The following SUPT3H variants were observed in gnomAD, a reference collection of about 807,000 sequenced individuals.
SUPT3H encodes SPT3 homolog, SAGA and STAGA complex component.
Under a neutral mutation model 44.3 loss-of-function variants are expected in SUPT3H, and 44 were observed. That is an observed-to-expected ratio of 0.99 (90% CI 0.78 to 1.28). The LOEUF is 1.28. SUPT3H is among the 50% of genes most tolerant of loss of function. The pLI is 0.00. For missense variants in SUPT3H, 380 were observed against 387.1 expected, an observed-to-expected ratio of 0.98 and a Z score of 0.15; for synonymous variants, 124 against 125.6, an observed-to-expected ratio of 0.99 and a Z score of 0.09.
intron 10 of SUPT3H, among the ~76,000 whole-genome samples, chr6:44,912,091 T>C (rs1391106099): frequency 6.6e-6 from 1 of 152,202 alleles, no homozygotes; most frequent in African/African-American, 2.4e-5. Context: ...CAGGGGGTGA[T>C]AAAATATATA....
At chr6:45,083,539 T>G (rs1796102471) in intron 3 of SUPT3H, among the ~76,000 whole-genome samples, 1 of 151,978 alleles carries the variant, frequency 6.6e-6, no homozygotes, top group South Asian at 2.1e-4. Flanking sequence ...AGGGTACAGA[T>G]TCAATGTTAT....
intron 10 of SUPT3H, among the ~76,000 whole-genome samples, chr6:44,924,314 C>A (rs1319532871): frequency 6.6e-6 from 1 of 151,936 alleles, no homozygotes; most frequent in Admixed American, 6.6e-5. Flanking sequence ...TAAAAATATA[C>A]AAAAATAAAG....
chr6:45,158,298 A>ATATATATATATATATATAATTTTTTT, intron 2 of SUPT3H, among the ~76,000 whole-genome samples: 14 of 99,684 alleles, frequency 1.4e-4, no homozygotes, highest in South Asian at 6.0e-4. Context: ...ATATATATAT[A>ATATATATATATATATATAATTTTTTT]TTTTTTTTTT....
At chr6:44,941,245 T>G (rs183535685) in intron 9 of SUPT3H, among the ~76,000 whole-genome samples, 467 of 152,256 alleles carry the variant, frequency 3.1e-3, no homozygotes, top group Non-Finnish European at 4.9e-3. Context: ...TTTATACTTT[T>G]GTGTCTTTGT....
intron 9 of SUPT3H, among the ~76,000 whole-genome samples, chr6:44,947,052 T>C (rs966835240): frequency 5.9e-5 from 9 of 152,168 alleles, no homozygotes; most frequent in African/African-American, 2.2e-4. Context: ...AAAAAGATTA[T>C]GACATGCAAA....
In SUPT3H at chr6:45,105,945, C is replaced by T; in HGVS notation, c.163G>A (p.Val55Ile). ...ACCAGATTAATTAACTGAGTGTGTA[C>T]CACATCTTCTACCAAAACTGCTGTT... is the stretch of plus-strand genomic sequence containing the variant. The part of the protein sequence containing the change: ...HETAVLVEDV[V>I]HTQLINLLQQ... Residue 55 changes from valine (V) to isoleucine (I), a missense_variant, in exon 3 of 11, where the codon GTA becomes ATA. Coordinates refer to ENST00000371459, the MANE Select transcript of SUPT3H (RefSeq NM_003599.4). The T allele has an allele frequency of 6.2e-7, 1 of 1,613,512 alleles. No homozygotes were observed.
intron 2 of SUPT3H, among the ~76,000 whole-genome samples, chr6:45,128,533 A>AAAATAT (rs1554257896): frequency 1.3e-4 from 7 of 52,234 alleles, no homozygotes; most frequent in African/African-American, 3.6e-4. Flanking sequence ...AAAAAAAAAA[A>AAAATAT]ATATATATAT....
intron 3 of SUPT3H, among the ~76,000 whole-genome samples, chr6:45,041,933 G>A (rs1380744414): frequency 3.3e-5 from 5 of 152,116 alleles, no homozygotes; most frequent in African/African-American, 9.7e-5. Flanking sequence ...ATGGTACGCA[G>A]GCCTCCATCA....
At chr6:45,253,930 T>C (rs1311897234) in intron 2 of SUPT3H, among the ~76,000 whole-genome samples, 1 of 142,178 alleles carries the variant, frequency 7.0e-6, no homozygotes, top group Admixed American at 7.2e-5. Context: ...AGAACAAAAA[T>C]ACATACATAT....
chr6:45,108,340 T>C (rs1660752546), intron 2 of SUPT3H, among the ~76,000 whole-genome samples: 1 of 152,174 alleles, frequency 6.6e-6, no homozygotes, highest in Admixed American at 6.5e-5. Context: ...TAGCCAGGCA[T>C]GGCGGCATGC....
At chr6:44,959,244 T>C (rs1775667226) in intron 7 of SUPT3H, among the ~76,000 whole-genome samples, 2 of 152,020 alleles carry the variant, frequency 1.3e-5, no homozygotes, top group East Asian at 1.9e-4. Flanking sequence ...AAAAAAAAGA[T>C]AGCAACTGAA....
chr6:44,861,295 C>CA (rs1422879293), intron 10 of SUPT3H, among the ~76,000 whole-genome samples: 3 of 152,138 alleles, frequency 2.0e-5, no homozygotes, highest in Non-Finnish European at 4.4e-5. Flanking sequence ...AGGCTAATCT[C>CA]AAACTCCTGG....
At chr6:44,968,675 A>G (rs1777120809) in intron 6 of SUPT3H, among the ~76,000 whole-genome samples, 1 of 151,986 alleles carries the variant, frequency 6.6e-6, no homozygotes, top group South Asian at 2.1e-4. Flanking sequence ...TCCTCTCCCA[A>G]CCTATCCTGC....
intron 5 of SUPT3H, among the ~76,000 whole-genome samples, chr6:45,013,436 C>T (rs1783788443): frequency 6.6e-6 from 1 of 152,076 alleles, no homozygotes; most frequent in Non-Finnish European, 1.5e-5. Flanking sequence ...CTGAGCCGAA[C>T]ATCTGTACCA....
intron 2 of SUPT3H, among the ~76,000 whole-genome samples, chr6:45,209,407 C>T (rs1177048281): frequency 6.6e-6 from 1 of 152,058 alleles, no homozygotes; most frequent in Non-Finnish European, 1.5e-5. Flanking sequence ...ATATCAGCAT[C>T]AATAGGAGTT....
intron 2 of SUPT3H, among the ~76,000 whole-genome samples, chr6:45,269,167 G>A (rs1309971571): frequency 2.0e-5 from 3 of 152,112 alleles, no homozygotes; most frequent in Non-Finnish European, 2.9e-5. Flanking sequence ...ATGGTAACAG[G>A]TATCGTCAAA....
intron 11 of SUPT3H, among the ~76,000 whole-genome samples, chr6:44,810,766 C>G (rs1021701885): frequency 1.3e-5 from 2 of 152,032 alleles, no homozygotes; most frequent in African/African-American, 4.8e-5. Context: ...ATTAGCCAGG[C>G]CTGGTGGCAC....
At chr6:45,276,151 C>T (rs554753455) in intron 2 of SUPT3H, among the ~76,000 whole-genome samples, 1 of 151,886 alleles carries the variant, frequency 6.6e-6, no homozygotes, top group Middle Eastern at 3.4e-3. Flanking sequence ...TTTATTTTAC[C>T]AAAAATGTCA....
At chr6:45,070,739 C>CAAAAAAAAAAAA (rs11393241) in intron 3 of SUPT3H, among the ~76,000 whole-genome samples, 1 of 102,832 alleles carries the variant, frequency 9.7e-6, no homozygotes, top group Non-Finnish European at 1.8e-5. Context: ...CTGTCTCAAA[C>CAAAAAAAAAAAA]AAAAAAAAAA....
Sources: allele counts gnomAD v4.1 joint callset (sites outside exome capture counted in the v4.1 genomes callset), GRCh38; gene constraint gnomAD v4.1.1; transcripts MANE v1.5; gene names NCBI Gene and HGNC (gene_info 2026-07-23, HGNC 2026-07-21).